Variants in ERBB4 observed in about 807,000 individuals in gnomAD.
The protein encoded by ERBB4 is receptor tyrosine-protein kinase erbB-4.
In ERBB4, 42 loss-of-function variants were observed where a neutral mutation model predicts 158.0. The ratio of observed to expected loss-of-function variants is 0.27; its 90% confidence interval spans 0.21 to 0.34. ERBB4 has a LOEUF of 0.34. ERBB4 is among the 10% of genes least tolerant of loss of function. The pLI, the probability that ERBB4 is intolerant of heterozygous loss-of-function variation, is 1.00. For missense variants in ERBB4, 1,333 were observed against 1,624.1 expected, an observed-to-expected ratio of 0.82 and a Z score of 3.08; for synonymous variants, 583 against 558.7, an observed-to-expected ratio of 1.04 and a Z score of -0.61.
intron 1 of ERBB4, among the ~76,000 whole-genome samples, chr2:212,257,659 T>C (rs1383095366): frequency 6.6e-6 from 1 of 152,150 alleles, no homozygotes; most frequent in Non-Finnish European, 1.5e-5. Context: ...AATCATGGAA[T>C]TGTTAAGAAT....
rs1456016919 is a variant in ERBB4, at chr2:211,551,135, G to A, written c.2487+10768C>T. 2.0e-5 allele frequency among the ~76,000 whole-genome samples: 3 copies of A among 152,132 alleles called. No individual in the cohort carries two copies. The East Asian group carries it at 5.8e-4, about 29-fold the overall frequency. Reference sequence around the variant, plus strand: ...ATCAATGACTTGTCCATATTTCTGAGTTTAGTTCTTCTTCCTTAGACTAGT... The same window carrying A: ...ATCAATGACTTGTCCATATTTCTGAATTTAGTTCTTCTTCCTTAGACTAGT... On this transcript the variant is annotated intron_variant, in intron 20 of 27. Coordinates refer to ENST00000342788, the MANE Select transcript of ERBB4 (RefSeq NM_005235.3).
chr2:211,786,955 G>A (rs1032902133), intron 4 of ERBB4, among the ~76,000 whole-genome samples: 11 of 152,224 alleles, frequency 7.2e-5, no homozygotes, highest in Middle Eastern at 3.4e-3. Context: ...TCTGTTCAAA[G>A]GTGACAAGAA....
intron 9 of ERBB4, among the ~76,000 whole-genome samples, chr2:211,711,027 TA>T (rs34159396): frequency 1.2e-3 from 163 of 139,724 alleles, no homozygotes; most frequent in Non-Finnish European, 1.3e-3. Flanking sequence ...AAAAGGCAAG[TA>T]AAAAAAAAAA....
chr2:211,568,930 G>A (rs1490714656), intron 19 of ERBB4, among the ~76,000 whole-genome samples: 5 of 152,088 alleles, frequency 3.3e-5, no homozygotes, highest in African/African-American at 4.8e-5. Context: ...TAAAATAAAC[G>A]AAATCTGCAT....
At chr2:212,054,141 A>C (rs1466969513) in intron 2 of ERBB4, among the ~76,000 whole-genome samples, 1 of 152,138 alleles carries the variant, frequency 6.6e-6, no homozygotes, top group Admixed American at 6.6e-5. Flanking sequence ...GGAGGTTTCC[A>C]CTGTGCTATG....
intron 1 of ERBB4, among the ~76,000 whole-genome samples, chr2:212,484,604 G>T (rs780000286): frequency 2.6e-5 from 4 of 152,100 alleles, no homozygotes; most frequent in African/African-American, 7.2e-5. Context: ...CATAATAAAA[G>T]TTATTTGACT....
At chr2:211,649,134 T>C (rs2070888833) in intron 16 of ERBB4, among the ~76,000 whole-genome samples, 1 of 151,850 alleles carries the variant, frequency 6.6e-6, no homozygotes, top group African/African-American at 2.4e-5. Context: ...TAAAATACTC[T>C]GTGTGAGAAC....
At chr2:212,387,459 T>G (rs1451537082) in intron 1 of ERBB4, among the ~76,000 whole-genome samples, 1 of 119,808 alleles carries the variant, frequency 8.3e-6, no homozygotes, top group African/African-American at 4.3e-5. Context: ...ACACATTTTT[T>G]TTTTTTCTTT....
intron 12 of ERBB4, among the ~76,000 whole-genome samples, chr2:211,701,711 T>C (rs772304274): frequency 2.4e-5 from 3 of 127,552 alleles, no homozygotes; most frequent in Non-Finnish European, 4.6e-5. Context: ...AGCCGAGATC[T>C]CGCCACTGCA....
intron 1 of ERBB4, among the ~76,000 whole-genome samples, chr2:212,194,789 A>G (rs2105887699): frequency 6.6e-6 from 1 of 152,176 alleles, no homozygotes; most frequent in African/African-American, 2.4e-5. Context: ...AAAATGTAAA[A>G]GAGAAGTCAT....
chr2:212,066,708 T>C (rs1175724499), intron 2 of ERBB4, among the ~76,000 whole-genome samples: 5 of 152,002 alleles, frequency 3.3e-5, no homozygotes, highest in African/African-American at 7.2e-5. Context: ...GCCATGGCCA[T>C]TGGAATTCTT....
At chr2:211,937,384 A>G (rs1326801588) in intron 3 of ERBB4, among the ~76,000 whole-genome samples, 1 of 152,218 alleles carries the variant, frequency 6.6e-6, no homozygotes, top group Non-Finnish European at 1.5e-5. Flanking sequence ...TGTCTATTCT[A>G]GAAATAATTC....
At chr2:211,825,512 A>G (rs1164643510) in intron 3 of ERBB4, among the ~76,000 whole-genome samples, 3 of 151,726 alleles carry the variant, frequency 2.0e-5, no homozygotes, top group Non-Finnish European at 4.4e-5. Flanking sequence ...GAAATTCTCT[A>G]TTTAACAAAA....
chr2:211,548,136 A>ACCC (rs2066989638), intron 20 of ERBB4, among the ~76,000 whole-genome samples: 2 of 152,064 alleles, frequency 1.3e-5, no homozygotes, highest in South Asian at 4.1e-4. Flanking sequence ...ATTCTCTCTT[A>ACCC]CCCCTTACTA....
At chr2:212,315,435 C>T (rs974834534) in intron 1 of ERBB4, among the ~76,000 whole-genome samples, 9 of 151,384 alleles carry the variant, frequency 5.9e-5, no homozygotes, top group African/African-American at 2.2e-4. Context: ...ATATATCACA[C>T]ACATAATTAT....
intron 1 of ERBB4, among the ~76,000 whole-genome samples, chr2:212,313,179 A>G (rs965791400): frequency 6.6e-6 from 1 of 150,906 alleles, no homozygotes; most frequent in African/African-American, 2.4e-5. Flanking sequence ...AAACCAGTCT[A>G]TAACATATTT....
chr2:212,031,772 T>C (rs2076908538), intron 2 of ERBB4, among the ~76,000 whole-genome samples: 2 of 152,154 alleles, frequency 1.3e-5, no homozygotes, highest in East Asian at 3.8e-4. Context: ...AGAAAAATGA[T>C]GGCTGACGAT....
chr2:211,388,908 G>A (rs1023497500), intron 25 of ERBB4, among the ~76,000 whole-genome samples: 2 of 152,084 alleles, frequency 1.3e-5, no homozygotes, highest in African/African-American at 4.8e-5. Context: ...ACTTTTCTAG[G>A]CACAGGGATA....
intron 2 of ERBB4, among the ~76,000 whole-genome samples, chr2:212,006,415 T>G (rs1196503900): frequency 6.6e-6 from 1 of 152,114 alleles, no homozygotes; most frequent in African/African-American, 2.4e-5. Context: ...TGAACTAATG[T>G]TCAAGCATAT....
Sources: allele counts gnomAD v4.1 joint callset (sites outside exome capture counted in the v4.1 genomes callset), GRCh38; gene constraint gnomAD v4.1.1; transcripts MANE v1.5; gene names NCBI Gene and HGNC (gene_info 2026-07-23, HGNC 2026-07-21).